UBE2E2: variants seen among roughly 807,000 people sequenced by gnomAD.
The protein encoded by UBE2E2 is ubiquitin conjugating enzyme E2 E2, also known as ubiquitin-conjugating enzyme E2 E2.
UBE2E2 carries 6 observed loss-of-function variants against 24.7 expected under a neutral mutation model. The ratio of observed to expected loss-of-function variants is 0.24; its 90% CI spans 0.13 to 0.48. The LOEUF (loss-of-function observed/expected upper bound fraction) is 0.48. UBE2E2 is among the 20% of genes least tolerant of loss of function. UBE2E2 has a pLI of 0.99. For synonymous variants in UBE2E2, 104 were observed against 83.6 expected (o/e 1.24, Z -1.33); for missense variants, 169 against 245.0 (o/e 0.69, Z 2.07).
chr3:23,437,860 C>T (rs1300326137), intron 3 of UBE2E2, among the ~76,000 whole-genome samples: 2 of 152,194 alleles, frequency 1.3e-5, no homozygotes, highest in African/African-American at 4.8e-5. Context: ...CAGGTGGCCA[C>T]TTATTTGATT....
intron 5 of UBE2E2, among the ~76,000 whole-genome samples, chr3:23,548,680 A>G (rs1304029694): frequency 6.6e-6 from 1 of 151,906 alleles, no homozygotes; most frequent in Non-Finnish European, 1.5e-5. Context: ...TCTTATCCTT[A>G]TGGTTCACGT....
intron 4 of UBE2E2, among the ~76,000 whole-genome samples, chr3:23,507,041 G>A (rs1045548285): frequency 5.9e-5 from 9 of 152,072 alleles, no homozygotes; most frequent in South Asian, 2.1e-4. Context: ...GAACCACCCC[G>A]TCCACAGAAC....
chr3:23,312,278 C>G (rs1295678558), intron 3 of UBE2E2, among the ~76,000 whole-genome samples: 1 of 152,094 alleles, frequency 6.6e-6, no homozygotes, highest in Non-Finnish European at 1.5e-5. Flanking sequence ...TTCTTTATAG[C>G]AATGCGAGAA....
chr3:23,336,268 A>G (rs910243814), intron 3 of UBE2E2, among the ~76,000 whole-genome samples: 3 of 152,200 alleles, frequency 2.0e-5, no homozygotes, highest in Non-Finnish European at 4.4e-5. Context: ...GAGAGGAGAA[A>G]CCAGTTGCAA....
chr3:23,552,944 T>A (rs1451364194), intron 5 of UBE2E2, among the ~76,000 whole-genome samples: 4 of 152,234 alleles, frequency 2.6e-5, no homozygotes, highest in African/African-American at 9.6e-5. Flanking sequence ...CGAATAGTAT[T>A]TTCTATGTAA....
intron 5 of UBE2E2, among the ~76,000 whole-genome samples, chr3:23,582,066 C>T (rs1460764339): frequency 4.6e-5 from 7 of 152,186 alleles, no homozygotes; most frequent in Non-Finnish European, 1.0e-4. Flanking sequence ...ACCCTCCACC[C>T]TCAAGTAGGC....
At chr3:23,445,533 T>C (rs1698408106) in intron 3 of UBE2E2, among the ~76,000 whole-genome samples, 1 of 152,228 alleles carries the variant, frequency 6.6e-6, no homozygotes. Flanking sequence ...CTGCCAAACT[T>C]CTTTTACCAC....
At chr3:23,274,643 A>AT (rs1464812349) in intron 3 of UBE2E2, among the ~76,000 whole-genome samples, 1 of 152,154 alleles carries the variant, frequency 6.6e-6, no homozygotes, top group East Asian at 1.9e-4. Context: ...CTGGGATTAC[A>AT]GGTATGAGCC....
intron 5 of UBE2E2, among the ~76,000 whole-genome samples, chr3:23,557,663 A>G (rs1695824371): frequency 6.6e-6 from 1 of 152,192 alleles, no homozygotes; most frequent in Non-Finnish European, 1.5e-5. Flanking sequence ...TTTCTCGTCA[A>G]CCAACATTGA....
At position 23,452,728 on chromosome 3, in the gene UBE2E2, T is replaced by C. The variant is rs572152300; in HGVS notation, c.228-46880T>C. Among the ~76,000 whole-genome samples the C allele has an allele frequency of 4.6e-5, 7 of 152,298 alleles. No individual in the cohort carries two copies. In the South Asian group the frequency reaches 6.2e-4, roughly 14 times the overall value. ...ATGGGAGAAAGACATTTTAATGTTA[T>C]CATTCTGTGAAAAGGAGGGTATGTC... On this transcript the variant is annotated intron_variant, in intron 3 of 5. Transcript: ENST00000396703.
At chr3:23,427,259 C>CAAAAAA (rs74787665) in intron 3 of UBE2E2, among the ~76,000 whole-genome samples, 1 of 88,488 alleles carries the variant, frequency 1.1e-5, no homozygotes, top group African/African-American at 4.2e-5. Flanking sequence ...CCATCTCTAC[C>CAAAAAA]AAAAAAAAAA....
intron 3 of UBE2E2, among the ~76,000 whole-genome samples, chr3:23,250,119 G>C (rs531328777): frequency 2.1e-4 from 32 of 152,222 alleles, no homozygotes; most frequent in African/African-American, 6.0e-4. Flanking sequence ...CAGTAACTCT[G>C]AGTAAGGACT....
chr3:23,486,371 G>A (rs1559399120), intron 3 of UBE2E2, among the ~76,000 whole-genome samples: 1 of 152,174 alleles, frequency 6.6e-6, no homozygotes, highest in Admixed American at 6.5e-5. Context: ...CCCCATAGAA[G>A]GTATTACAGT....
chr3:23,409,478 C>T (rs1314443997), intron 3 of UBE2E2, among the ~76,000 whole-genome samples: 3 of 152,148 alleles, frequency 2.0e-5, no homozygotes, highest in Non-Finnish European at 2.9e-5. Flanking sequence ...TAGGAGAAGA[C>T]AATGTGTGGT....
chr3:23,310,222 C>T (rs1030627668), intron 3 of UBE2E2, among the ~76,000 whole-genome samples: 7 of 151,548 alleles, frequency 4.6e-5, no homozygotes, highest in Non-Finnish European at 8.8e-5. Flanking sequence ...TATTGTCTAA[C>T]ACTGAATTAG....
intron 3 of UBE2E2, among the ~76,000 whole-genome samples, chr3:23,279,223 T>C (rs1307279107): frequency 1.3e-5 from 2 of 152,150 alleles, no homozygotes; most frequent in African/African-American, 2.4e-5. Flanking sequence ...TTTCAGGGAC[T>C]GCTTACCCTG....
intron 5 of UBE2E2, among the ~76,000 whole-genome samples, chr3:23,556,227 C>T (rs1206994771): frequency 6.8e-6 from 1 of 147,554 alleles, no homozygotes; most frequent in Non-Finnish European, 1.5e-5. Flanking sequence ...TCACTGCAAC[C>T]TCCACCTCCC....
intron 5 of UBE2E2, among the ~76,000 whole-genome samples, chr3:23,557,203 A>G (rs747714960): frequency 5.9e-5 from 9 of 152,212 alleles, no homozygotes; most frequent in Non-Finnish European, 1.0e-4. Context: ...TTGCAAAGCA[A>G]AAATTGTGAG....
chr3:23,544,977 G>A (rs1347320691), intron 5 of UBE2E2, among the ~76,000 whole-genome samples: 2 of 152,180 alleles, frequency 1.3e-5, no homozygotes, highest in South Asian at 2.1e-4. Context: ...TGTGCTTTTA[G>A]ATATGCATAC....
Sources: gnomAD v4.1 joint callset for allele counts (sites outside exome capture counted in the v4.1 genomes callset) on GRCh38, gnomAD v4.1.1 for gene constraint, MANE v1.5 for transcripts, NCBI Gene and HGNC (gene_info 2026-07-23, HGNC 2026-07-21) for gene names.